The following COL4A4 variants were observed in gnomAD, a reference collection of about 807,000 sequenced individuals.
COL4A4 encodes collagen alpha-4(IV) chain.
COL4A4 carries 105 observed loss-of-function variants against 192.9 expected under a neutral mutation model. That is an observed-to-expected ratio of 0.54 (90% CI 0.46 to 0.64). COL4A4 has a LOEUF of 0.64. Among genes scored for constraint, COL4A4 ranks in the 30% least tolerant of loss-of-function variants. The pLI is 0.00. For missense variants in COL4A4, 1,967 were observed against 2,169.3 expected (o/e 0.91, Z 1.85); for synonymous variants, 762 against 769.9 (o/e 0.99, Z 0.17).
chr2:226,968,563 T>G, the COL4A4 span, among the ~76,000 whole-genome samples: 2 of 152,200 alleles, frequency 1.3e-5, no homozygotes, highest in Non-Finnish European at 2.9e-5. Context: ...GCACCCTGAT[T>G]AGTGTTTAAT....
chr2:227,012,842 C>T lies in COL4A4; in HGVS notation c.4217-545G>A, dbSNP rs76913868. Among the ~76,000 whole-genome samples the T allele has an allele frequency of 6.0e-3, 913 of 152,228 alleles. 7 individuals carry two copies. The highest frequency in any genetic ancestry group is 0.021 in the African/African-American group (867 of 41,510). ...ACAATGTGCTAGGTACCATGCTAAT[C>T]CCTTTACGTGGATTGTCCAATTCAG... On this transcript the variant is annotated intron_variant, in intron 44 of 47. Transcript: ENST00000396625.
At position 227,158,049 on chromosome 2, in the gene COL4A4, C is replaced by T. The variant is rs114393978; in HGVS notation, c.-102+5958G>A. ...TCCATATATATGTAAATGCAAATGA[C>T]CTAGAATAGCCTAAGCAATTTTTAT... On this transcript the variant is annotated intron_variant, in intron 1 of 47. Transcript: ENST00000396625. Among the ~76,000 whole-genome samples the T allele has an allele frequency of 6.5e-3, 990 of 152,014 alleles. 10 individuals are homozygous for T. The highest frequency in any genetic ancestry group is 0.023 in the African/African-American group (948 of 41,492).
At chr2:227,130,284 C>T (rs967778002) in intron 4 of COL4A4, among the ~76,000 whole-genome samples, 1 of 152,218 alleles carries the variant, frequency 6.6e-6, no homozygotes, top group African/African-American at 2.4e-5. Context: ...GTGGGAAGAA[C>T]CCTGCACTGA....
At chr2:227,083,233 A>T (rs138095536) in intron 22 of COL4A4, among the ~76,000 whole-genome samples, 175 of 152,034 alleles carry the variant, frequency 1.2e-3, no homozygotes, top group African/African-American at 3.9e-3. Context: ...TGTGTCAAAA[A>T]ATATATATAT....
chr2:227,127,878 A>T (rs4074456), intron 4 of COL4A4, among the ~76,000 whole-genome samples: 53,423 of 152,104 alleles, frequency 0.35, 9,970 homozygotes, highest in Non-Finnish European at 0.41. Context: ...AATAAATGAA[A>T]AACTGAACAA....
At chr2:227,069,755 C>G (rs1454157926) in intron 25 of COL4A4, among the ~76,000 whole-genome samples, 2 of 151,734 alleles carry the variant, frequency 1.3e-5, no homozygotes, top group Non-Finnish European at 2.9e-5. Flanking sequence ...AGACCTAAAA[C>G]CATAAAAACC....
chr2:227,054,258 C>G (rs1002038365), intron 31 of COL4A4, among the ~76,000 whole-genome samples: 2 of 152,156 alleles, frequency 1.3e-5, no homozygotes, highest in African/African-American at 4.8e-5. Context: ...TTACCAACTT[C>G]TGTTCTAACT....
intron 25 of COL4A4, among the ~76,000 whole-genome samples, chr2:227,075,869 G>T (rs2058996503): frequency 6.6e-6 from 1 of 151,998 alleles, no homozygotes; most frequent in Non-Finnish European, 1.5e-5. Context: ...CAAATCATGA[G>T]TGAACTCCCA....
chr2:227,080,574 T>C (rs747795028), intron 23 of COL4A4, 25 bp from the exon 24 acceptor site: 4 of 1,590,512 alleles, frequency 2.5e-6, no homozygotes, highest in Non-Finnish European at 3.5e-6. Context: ...CAAAAGATAT[T>C]CAAGCTCTTA....
chr2:227,142,942 T>C (rs1054554881), intron 3 of COL4A4, among the ~76,000 whole-genome samples: 1 of 152,058 alleles, frequency 6.6e-6, no homozygotes, highest in Non-Finnish European at 1.5e-5. Flanking sequence ...CTATACAGGA[T>C]AATTTTTTTC....
chr2:227,007,481 TC>T lies in COL4A4; in HGVS notation c.4916del (p.Gly1639GlufsTer17), dbSNP rs1174684703. 6.2e-7 allele frequency: 1 copy of T among 1,614,162 alleles called. No homozygotes were observed. The highest frequency in any genetic ancestry group is 8.5e-7 in the Non-Finnish European group (1 of 1,180,034). ...APFLECQGRQ[G>X]TCHFFANKYS... ...ACTTATTTGCGAAAAAGTGGCAAGT[TC>T]CCTGCCGGCCCTGGCATTCAAGGAA... On this transcript the variant is annotated frameshift_variant, in exon 48 of 48. Transcript: ENST00000396625. LOFTEE classifies it high-confidence loss of function.
chr2:226,984,800 C>G, the COL4A4 span, among the ~76,000 whole-genome samples: 1 of 152,202 alleles, frequency 6.6e-6, no homozygotes, highest in Non-Finnish European at 1.5e-5. Context: ...ACCCCCAAGT[C>G]AAACCAAGTT....
intron 1 of COL4A4, among the ~76,000 whole-genome samples, chr2:227,147,852 A>C (rs573998409): frequency 6.0e-5 from 9 of 148,780 alleles, no homozygotes; most frequent in African/African-American, 2.2e-4. Flanking sequence ...TAAATATAAA[A>C]TATATTTTTA....
chr2:227,007,959 C>T (rs765894355), intron 47 of COL4A4, 59 bp downstream of exon 47: 17 of 1,575,660 alleles, frequency 1.1e-5, no homozygotes, highest in Non-Finnish European at 1.3e-5. Flanking sequence ...AGAGAAATGG[C>T]GGGAGAAGGT....
chr2:227,061,011 C>T (rs1053433768), intron 26 of COL4A4, among the ~76,000 whole-genome samples: 6 of 152,200 alleles, frequency 3.9e-5, no homozygotes, highest in African/African-American at 1.2e-4. Flanking sequence ...CAGGCATGAG[C>T]CACCGCACCC....
intron 41 of COL4A4, among the ~76,000 whole-genome samples, chr2:227,028,644 T>TTTATTATTATTATTATTA (rs56914189): frequency 1.1e-4 from 15 of 141,894 alleles, no homozygotes; most frequent in African/African-American, 3.9e-4. Flanking sequence ...ATAAAAGAAA[T>TTTATTATTATTATTATTA]TTATTATTAT....
At chr2:227,129,053 G>A (rs985534162) in intron 4 of COL4A4, among the ~76,000 whole-genome samples, 2 of 152,180 alleles carry the variant, frequency 1.3e-5, no homozygotes, top group African/African-American at 4.8e-5. Flanking sequence ...AACAGTAGCA[G>A]TAATAACTGC....
chr2:227,129,411 C>CTT lies in COL4A4; in HGVS notation c.193-8265_193-8264dup, dbSNP rs752359503. 7.8e-4 allele frequency among the ~76,000 whole-genome samples: 108 copies of CTT among 138,014 alleles called. 1 individual carries two copies. The highest frequency in any genetic ancestry group is 1.4e-3 in the South Asian group (6 of 4,312). The allele number at this position is 138,014 out of a possible 152,430, so 90.5% of individuals were successfully genotyped here. On this transcript the variant is annotated intron_variant, in intron 4 of 47. Coordinates refer to ENST00000396625, the MANE Select transcript of COL4A4 (RefSeq NM_000092.5). ...GCTTGGGGTGATGTCTTCTAGTATA[C>CTT]TTTTTTTTTTTTTTTTGAGACAGAG...
At position 227,005,069 on chromosome 2, in the gene COL4A4, T is replaced by C. The variant is rs756560251; in HGVS notation, c.*2256A>G. On this transcript the variant is annotated 3_prime_UTR_variant, in exon 48 of 48. Transcript: ENST00000396625. ...GCCCTTTTGATCCTTTAAAATACTTTTGTAAAATTAGAGGGCAGTGTTAAT... is the reference window on the plus strand; with the variant it reads ...GCCCTTTTGATCCTTTAAAATACTTCTGTAAAATTAGAGGGCAGTGTTAAT... 2 of 152,194 alleles carry C rather than the reference T, an allele frequency of 1.3e-5. No homozygotes were observed. The highest frequency in any genetic ancestry group is 2.4e-5 in the African/African-American group (1 of 41,434). The allele number at this position is 152,194 out of a possible 1,614,324, so 9.4% of individuals were successfully genotyped here. A position where few individuals can be genotyped will look rare whatever the true frequency, so the allele number is the denominator to read the frequency against.
Sources: gnomAD v4.1 joint callset for allele counts (sites outside exome capture counted in the v4.1 genomes callset) on GRCh38, gnomAD v4.1.1 for gene constraint, MANE v1.5 for transcripts, NCBI Gene and HGNC (gene_info 2026-07-23, HGNC 2026-07-21) for gene names.